The following DNAAF11 variants were observed in gnomAD, a reference collection of about 807,000 sequenced individuals.
DNAAF11 encodes the protein leucine rich repeat containing 6.
A neutral mutation model predicts 60.8 loss-of-function variants in DNAAF11; 45 were observed. The observed-to-expected ratio is 0.74, with a 90% confidence interval of 0.58 to 0.95. The LOEUF is 0.95. Among genes scored for constraint, DNAAF11 ranks in the 40% least tolerant of loss-of-function variants. The pLI is 0.00. For synonymous variants in DNAAF11, 191 were observed against 183.5 expected, an observed-to-expected ratio of 1.04 and a Z score of -0.33; for missense variants, 546 against 546.2, an observed-to-expected ratio of 1.00 and a Z score of 0.00.
the DNAAF11 span, among the ~76,000 whole-genome samples, chr8:132,681,594 A>G: frequency 6.6e-6 from 1 of 152,080 alleles, no homozygotes; most frequent in African/African-American, 2.4e-5. Flanking sequence ...GCACTGGAAA[A>G]TTCCAGTGCT....
At chr8:132,602,199 T>G (rs906386117) in intron 10 of DNAAF11, among the ~76,000 whole-genome samples, 6 of 152,280 alleles carry the variant, frequency 3.9e-5, no homozygotes, top group Admixed American at 1.3e-4. Flanking sequence ...TTTCAAGTAT[T>G]AAACCACTTT....
chr8:132,589,631 T>A (rs1270309980), intron 10 of DNAAF11, among the ~76,000 whole-genome samples: 2 of 152,226 alleles, frequency 1.3e-5, no homozygotes, highest in Non-Finnish European at 2.9e-5. Flanking sequence ...AAAATACTCA[T>A]GACACACAAT....
At chr8:132,607,276 A>G (rs1457401474) in intron 10 of DNAAF11, among the ~76,000 whole-genome samples, 1 of 152,200 alleles carries the variant, frequency 6.6e-6, no homozygotes, top group Non-Finnish European at 1.5e-5. Context: ...ACGGTAGAGG[A>G]AGTACAGTGA....
upstream of DNAAF11, among the ~76,000 whole-genome samples, chr8:132,677,883 T>C (rs1051075578): frequency 1.3e-5 from 2 of 152,166 alleles, no homozygotes; most frequent in African/African-American, 4.8e-5. Flanking sequence ...TGAAAAGGGG[T>C]GAACTCCATT....
intron 5 of DNAAF11, among the ~76,000 whole-genome samples, chr8:132,627,766 T>G (rs982206506): frequency 1.3e-5 from 2 of 152,102 alleles, no homozygotes; most frequent in Non-Finnish European, 2.9e-5. Context: ...TCTTCCTGCC[T>G]TGAGAATTTG....
chr8:132,677,089 G>C (rs1465999108), upstream of DNAAF11, among the ~76,000 whole-genome samples: 5 of 152,098 alleles, frequency 3.3e-5, no homozygotes, highest in African/African-American at 1.2e-4. Context: ...TGACAATATG[G>C]GTAAACATCT....
At chr8:132,593,142 A>G (rs912236682) in intron 10 of DNAAF11, among the ~76,000 whole-genome samples, 2 of 151,702 alleles carry the variant, frequency 1.3e-5, no homozygotes, top group Non-Finnish European at 2.9e-5. Context: ...AGAAAGGAGT[A>G]CATGATTATA....
intron 3 of DNAAF11, among the ~76,000 whole-genome samples, chr8:132,650,304 T>C (rs1474599389): frequency 6.7e-6 from 1 of 148,948 alleles, no homozygotes; most frequent in East Asian, 2.0e-4. Context: ...CACTCACAGG[T>C]GGGAATTGAA....
chr8:132,593,684 A>G (rs1816709871), intron 10 of DNAAF11, among the ~76,000 whole-genome samples: 1 of 152,094 alleles, frequency 6.6e-6, no homozygotes, highest in Non-Finnish European at 1.5e-5. Flanking sequence ...AATTATTAGC[A>G]TAGGGTAGTA....
Position 132,570,579 on chromosome 8 carries a change from A to G in DNAAF11, c.*1727T>C, listed in dbSNP as rs1036615561. ...GGATTATGATATGTCAAGTTGGCTA[A>G]GGCTGGGAGCTGTTTTCCAGAATTT... On this transcript the variant is annotated 3_prime_UTR_variant, in exon 12 of 12. Coordinates refer to ENST00000620350, the MANE Select transcript of DNAAF11 (RefSeq NM_012472.6). Among the ~76,000 whole-genome samples the G allele has an allele frequency of 6.6e-6, 1 of 152,222 alleles. No individual in the cohort carries two copies. Among genetic ancestry groups the G allele is most frequent in the African/African-American group, 2.4e-5 (1 of 41,468 alleles).
chr8:132,676,708 G>A (rs934998629), upstream of DNAAF11, among the ~76,000 whole-genome samples: 1 of 152,092 alleles, frequency 6.6e-6, no homozygotes, highest in Non-Finnish European at 1.5e-5. Context: ...GGTGATGGGG[G>A]GAAGCAGAAA....
At chr8:132,620,575 T>C (rs964997106) in intron 7 of DNAAF11, among the ~76,000 whole-genome samples, 1 of 152,192 alleles carries the variant, frequency 6.6e-6, no homozygotes, top group African/African-American at 2.4e-5. Flanking sequence ...CCTCAAGTGA[T>C]CTGCCTGCCT....
rs142523162 is a variant in DNAAF11, at chr8:132,578,484, C to T, written c.1226+5210G>A. The stretch of plus-strand genomic sequence containing the variant: ...CTGGTCTTACCCACGACCTGACTGT[C>T]AGAAACATCACCTCTAGAATCCAGT... On this transcript the variant is annotated intron_variant, in intron 11 of 11. Transcript: ENST00000620350. The T allele has an allele frequency of 1.1e-4, 165 of 1,534,910 alleles. 1 individual carries two copies. In the African/African-American group the frequency reaches 1.8e-3, roughly 17 times the overall value.
At chr8:132,643,505 A>C in intron 3 of DNAAF11, 1 of 389,050 alleles carries the variant, frequency 2.6e-6, no homozygotes, top group South Asian at 1.9e-5. Context: ...ATCCTCTCCC[A>C]ACACAGTTAA....
intron 3 of DNAAF11, among the ~76,000 whole-genome samples, chr8:132,642,708 T>C (rs1821975994): frequency 6.6e-6 from 1 of 152,180 alleles, no homozygotes; most frequent in Non-Finnish European, 1.5e-5. Context: ...GAAGCAACCA[T>C]CTTGGAGGTG....
intron 11 of DNAAF11, among the ~76,000 whole-genome samples, chr8:132,573,176 G>A (rs376041606): frequency 2.6e-5 from 4 of 151,302 alleles, no homozygotes; most frequent in Non-Finnish European, 4.4e-5. Flanking sequence ...TGCGTTCCCC[G>A]CAATTTTGAT....
chr8:132,638,377 G>T (rs944690460), intron 3 of DNAAF11, among the ~76,000 whole-genome samples: 4 of 152,086 alleles, frequency 2.6e-5, no homozygotes, highest in Admixed American at 2.0e-4. Flanking sequence ...TACAAGGCTG[G>T]TTAATTTTTC....
At chr8:132,652,934 T>A (rs1319044404) in intron 3 of DNAAF11, among the ~76,000 whole-genome samples, 1 of 151,614 alleles carries the variant, frequency 6.6e-6, no homozygotes, top group African/African-American at 2.4e-5. Flanking sequence ...GAACTTCAAG[T>A]ATAATAAAAA....
intron 11 of DNAAF11, 91 bp downstream of exon 11, chr8:132,583,603 A>T (rs1415614647): frequency 1.0e-5 from 10 of 954,708 alleles, no homozygotes; most frequent in Non-Finnish European, 1.5e-5. Context: ...ACTTTAAATA[A>T]TTGTACAATT....
Sources: gnomAD v4.1 joint callset for allele counts (sites outside exome capture counted in the v4.1 genomes callset) on GRCh38, gnomAD v4.1.1 for gene constraint, MANE v1.5 for transcripts, NCBI Gene and HGNC (gene_info 2026-07-23, HGNC 2026-07-21) for gene names.